The following NAV2 variants were observed in gnomAD, a reference collection of about 807,000 sequenced individuals.
NAV2 encodes the protein helicase, APC down-regulated 1.
NAV2 carries 54 observed loss-of-function variants against 223.2 expected under a neutral mutation model. The observed-to-expected ratio is 0.24, with a 90% CI of 0.19 to 0.30. The LOEUF (loss-of-function observed/expected upper bound fraction) is 0.30. Among genes scored for constraint, NAV2 ranks in the 10% least tolerant of loss-of-function variants. The pLI is 1.00. For missense variants in NAV2, 2,806 were observed against 3,147.5 expected (o/e 0.89, Z 2.60); for synonymous variants, 1,279 against 1,239.3 (o/e 1.03, Z -0.67).
intron 1 of NAV2, among the ~76,000 whole-genome samples, chr11:19,660,911 C>T (rs2048260050): frequency 6.6e-6 from 1 of 151,968 alleles, no homozygotes; most frequent in Admixed American, 6.6e-5. Context: ...TGTTTGGTGT[C>T]ACTCTTTTTT....
At chr11:19,985,062 A>G (rs2050657058) in intron 11 of NAV2, among the ~76,000 whole-genome samples, 1 of 152,240 alleles carries the variant, frequency 6.6e-6, no homozygotes, top group South Asian at 2.1e-4. Flanking sequence ...GAGATGTAAC[A>G]TGGAATTTAG....
At chr11:19,611,328 G>A (rs2046637565) in intron 1 of NAV2, among the ~76,000 whole-genome samples, 2 of 151,770 alleles carry the variant, frequency 1.3e-5, no homozygotes, top group South Asian at 4.2e-4. Context: ...TCCACCCCTG[G>A]CCCCTTCAAA....
chr11:20,072,543 G>T (rs1351376859), intron 22 of NAV2, among the ~76,000 whole-genome samples: 2 of 152,122 alleles, frequency 1.3e-5, no homozygotes, highest in Admixed American at 1.3e-4. Flanking sequence ...CCATTTTCAT[G>T]ATATTGATTC....
intron 1 of NAV2, among the ~76,000 whole-genome samples, chr11:19,736,560 C>T (rs1483070663): frequency 6.6e-6 from 1 of 152,214 alleles, no homozygotes; most frequent in African/African-American, 2.4e-5. Context: ...ATTAAATACC[C>T]AGGGAAAGGC....
chr11:19,489,063 T>A (rs538031878), intron 1 of NAV2, among the ~76,000 whole-genome samples: 5 of 152,282 alleles, frequency 3.3e-5, no homozygotes, highest in Middle Eastern at 6.8e-3. Flanking sequence ...GAACTCAGCA[T>A]CTCTTCTACT....
At chr11:19,850,194 A>G (rs189434555) in intron 3 of NAV2, among the ~76,000 whole-genome samples, 47 of 152,334 alleles carry the variant, frequency 3.1e-4, no homozygotes, top group African/African-American at 1.1e-3. Flanking sequence ...CTTCCTGGGC[A>G]GTGTGACCTT....
At chr11:20,082,668 G>T (rs1444009361) in intron 25 of NAV2, 2 of 1,434,228 alleles carry the variant, frequency 1.4e-6, no homozygotes, top group Middle Eastern at 1.7e-4. Flanking sequence ...AACCTCATCC[G>T]CATCCATCAC....
At chr11:19,486,011 A>G (rs964707977) in intron 1 of NAV2, among the ~76,000 whole-genome samples, 1 of 152,160 alleles carries the variant, frequency 6.6e-6, no homozygotes, top group Non-Finnish European at 1.5e-5. Flanking sequence ...CCAGCAGACA[A>G]GCTTGGCACT....
chr11:19,448,133 C>T (rs1458634106), intron 1 of NAV2, among the ~76,000 whole-genome samples: 5 of 152,088 alleles, frequency 3.3e-5, no homozygotes, highest in Non-Finnish European at 7.4e-5. Flanking sequence ...ATAAAAGCAC[C>T]CCACCCTGTG....
chr11:20,054,090 A>T lies in NAV2; in HGVS notation c.4492A>T (p.Thr1498Ser). Residue 1498 changes from threonine to serine, a missense_variant, in exon 18 of 38, where the codon ACC becomes TCC. Around this residue, in one of 4 missense-constraint regions of NAV2, gnomAD observed 742 missense variants for 777.9 expected, o/e 0.95. Coordinates refer to ENST00000349880, the MANE Select transcript of NAV2 (RefSeq NM_145117.5). ...TTTCTGTCTGTCCAGGTATACTCCC[A>T]CCTCCCAGCTTCGCACGCAAGAAGA... ...LPKKGLRYTP[T>S]SQLRTQEDAK... 1 of 1,612,430 alleles carries T rather than the reference A, an allele frequency of 6.2e-7. No homozygotes were observed. Among genetic ancestry groups the T allele is most frequent in the Non-Finnish European group, 8.5e-7 (1 of 1,179,690 alleles).
intron 6 of NAV2, among the ~76,000 whole-genome samples, chr11:19,919,149 T>G (rs746457351): frequency 1.3e-5 from 2 of 152,082 alleles, no homozygotes; most frequent in African/African-American, 2.4e-5. Flanking sequence ...CCCAGTCATA[T>G]CCCTGGTTCC....
Position 19,933,812 on chromosome 11 carries a change from A to T in NAV2, c.1568A>T (p.Asp523Val), listed in dbSNP as rs1410002892. The stretch of plus-strand genomic sequence containing the variant: ...GACCTCAAGGAGGAGCCAAAAGAAG[A>T]CCCCAGTGGAGCAGCTGTGCCCGAG... ...RLDLKEEPKE[D>V]PSGAAVPEMP... Residue 523 changes from aspartate (D) to valine (V), a missense_variant, in exon 7 of 38, where the codon GAC (aspartate) becomes GTC (valine). Physicochemically the swap from Asp to Val is radical, Grantham distance 152. This residue lies in a region of NAV2 where 1,167 missense variants were observed against 1,180.5 expected (regional missense o/e 0.99). Transcript: ENST00000349880. The surrounding 1 kb of genome is among the most constrained non-coding windows in gnomAD (Gnocchi z 4.3). 1 of 1,613,258 alleles carries T rather than the reference A, an allele frequency of 6.2e-7. No homozygotes were observed. Among genetic ancestry groups the T allele is most frequent in the Non-Finnish European group, 8.5e-7 (1 of 1,179,832 alleles).
chr11:19,346,898 C>T (rs1242909599), upstream of NAV2, among the ~76,000 whole-genome samples: 2 of 152,138 alleles, frequency 1.3e-5, no homozygotes, highest in African/African-American at 2.4e-5. Context: ...CTATTGACAC[C>T]AAGGGCTAAT....
intron 1 of NAV2, among the ~76,000 whole-genome samples, chr11:19,692,307 C>A (rs571294004): frequency 6.6e-6 from 1 of 152,328 alleles, no homozygotes; most frequent in African/African-American, 2.4e-5. Context: ...TCATATGTAC[C>A]CCCCGGAAAC....
upstream of NAV2, among the ~76,000 whole-genome samples, chr11:19,346,036 C>T (rs1413587187): frequency 1.4e-5 from 2 of 146,384 alleles, no homozygotes; most frequent in Non-Finnish European, 2.9e-5. Flanking sequence ...TCTGTGTGTC[C>T]TCCTCTCTGT....
chr11:19,984,648 A>G (rs2050606111), intron 11 of NAV2, among the ~76,000 whole-genome samples: 1 of 152,190 alleles, frequency 6.6e-6, no homozygotes, highest in Admixed American at 6.5e-5. Flanking sequence ...GATCTCTCCT[A>G]GCCTTGGCTG....
At chr11:19,994,742 A>T (rs1402139398) in intron 11 of NAV2, among the ~76,000 whole-genome samples, 1 of 152,156 alleles carries the variant, frequency 6.6e-6, no homozygotes, top group Non-Finnish European at 1.5e-5. Context: ...CCAGAGTTGT[A>T]GTGAACCGAT....
At chr11:19,687,786 TG>T (rs2049064632) in intron 1 of NAV2, among the ~76,000 whole-genome samples, 1 of 150,914 alleles carries the variant, frequency 6.6e-6, no homozygotes, top group Non-Finnish European at 1.5e-5. Flanking sequence ...TATGCATGCG[TG>T]TGTGTGTGTG....
At chr11:19,838,687 G>C (rs1027402676) in intron 2 of NAV2, among the ~76,000 whole-genome samples, 1 of 152,174 alleles carries the variant, frequency 6.6e-6, no homozygotes, top group African/African-American at 2.4e-5. Flanking sequence ...GCAGTGTTAC[G>C]ATCTTGGCTC....
Sources: gnomAD v4.1 joint callset for allele counts (sites outside exome capture counted in the v4.1 genomes callset) on GRCh38, gnomAD v4.1.1 for gene constraint, gnomAD v4.1.1 regional missense constraint, Gnocchi (gnomAD v3.1) non-coding constraint, MANE v1.5 for transcripts, NCBI Gene and HGNC (gene_info 2026-07-23, HGNC 2026-07-21) for gene names.